The following ERI1 variants were observed in gnomAD, a reference collection of about 807,000 sequenced individuals.
The protein encoded by ERI1 is 3'-5' exoribonuclease 1.
A neutral mutation model predicts 39.7 loss-of-function variants in ERI1; 39 were observed. The observed-to-expected ratio is 0.98, with a 90% CI of 0.76 to 1.28. The LOEUF (loss-of-function observed/expected upper bound fraction) is 1.28. ERI1 is among the 50% of genes most tolerant of loss of function. The pLI, the probability that ERI1 is intolerant of heterozygous loss-of-function variation, is 0.00. For missense variants in ERI1, 581 were observed against 416.9 expected (o/e 1.39, Z -3.43); for synonymous variants, 204 against 149.6 (o/e 1.36, Z -2.65).
At chr8:9,029,707 C>G (rs1378483280) in intron 6 of ERI1, 85 bp from the exon 7 acceptor site, 9 of 1,503,166 alleles carry the variant, frequency 6.0e-6, no homozygotes, top group Admixed American at 3.6e-5. Context: ...TGCTAATTTT[C>G]AGTTTCTTAT....
At chr8:9,095,754 C>T (rs192224155) in intron 3 of ERI1, among the ~76,000 whole-genome samples, 1 of 152,238 alleles carries the variant, frequency 6.6e-6, no homozygotes, top group African/African-American at 2.4e-5. Context: ...CTCCTGGGCT[C>T]AAGACATCTG....
chr8:9,017,543 C>T (rs923006829), intron 4 of ERI1, among the ~76,000 whole-genome samples: 11 of 152,152 alleles, frequency 7.2e-5, no homozygotes, highest in Middle Eastern at 3.4e-3. Flanking sequence ...TGTTTTATTG[C>T]GGTGTTGTGG....
rs559094164 is a variant in ERI1 at position 9,007,308 on chromosome 8, G to A, written c.109-662G>A. The stretch of plus-strand genomic sequence containing the variant: ...CTAGGAAGCTGTAAATTAGATTTGC[G>A]GTCCATTTTGTTTTTATGTTGGGCA... On this transcript the variant is annotated intron_variant, in intron 1 of 6. Coordinates refer to ENST00000250263, the MANE Select transcript of ERI1 (RefSeq NM_153332.4). 5.9e-5 allele frequency among the ~76,000 whole-genome samples: 9 copies of A among 152,142 alleles called. No homozygotes were observed. The South Asian group carries it at 8.3e-4, about 14-fold the overall frequency.
intron 3 of ERI1, among the ~76,000 whole-genome samples, chr8:9,083,808 T>G (rs566275747): frequency 6.6e-6 from 1 of 151,994 alleles, no homozygotes; most frequent in Non-Finnish European, 1.5e-5. Context: ...TTTTCTTTTT[T>G]TTTGAGACAG....
chr8:9,055,885 T>G (rs1798492009), intron 3 of ERI1, among the ~76,000 whole-genome samples: 1 of 152,156 alleles, frequency 6.6e-6, no homozygotes, highest in African/African-American at 2.4e-5. Flanking sequence ...AAAGGGGTTC[T>G]GGTTTCTATG....
At chr8:9,059,249 A>G (rs1315480848) in intron 3 of ERI1, among the ~76,000 whole-genome samples, 1 of 152,174 alleles carries the variant, frequency 6.6e-6, no homozygotes, top group Non-Finnish European at 1.5e-5. Flanking sequence ...GGAAGCGGCC[A>G]TCTGGATGTG....
intron 1 of ERI1, chr8:9,004,301 G>T: frequency 8.9e-7 from 1 of 1,127,120 alleles, no homozygotes; most frequent in East Asian, 7.3e-5. Context: ...CATCCTGTAA[G>T]TGGGTTTTAA....
chr8:9,007,920 A>T, intron 1 of ERI1, 50 bp from the exon 2 acceptor site: 1 of 1,545,332 alleles, frequency 6.5e-7, no homozygotes, highest in Non-Finnish European at 8.7e-7. Flanking sequence ...GTTTGTACTA[A>T]TTATAAACTA....
intron 6 of ERI1, among the ~76,000 whole-genome samples, chr8:9,025,961 T>A (rs1818431621): frequency 6.6e-6 from 1 of 152,190 alleles, no homozygotes; most frequent in Admixed American, 6.5e-5. Flanking sequence ...ACAGTGTATG[T>A]ACATTGAGCC....
chr8:9,016,313 C>T lies in ERI1; in HGVS notation c.499-9C>T, dbSNP rs1448283936. On this transcript the variant is annotated splice_polypyrimidine_tract_variant and intron_variant, in intron 3 of 6. Coordinates refer to ENST00000250263, the MANE Select transcript of ERI1 (RefSeq NM_153332.4). ...TAAATTACTTTAACTTGCTATCCTT[C>T]CCTTGCAGGAAGACACGTTTCAGCA... 3 of 1,575,480 alleles carry T rather than the reference C, an allele frequency of 1.9e-6. No individual in the cohort carries two copies. Among genetic ancestry groups the T allele is most frequent in the Admixed American group, 1.8e-5 (1 of 55,476 alleles).
chr8:9,028,982 T>TC (rs59977121), intron 6 of ERI1, among the ~76,000 whole-genome samples: 1 of 150,168 alleles, frequency 6.7e-6, no homozygotes, highest in African/African-American at 2.4e-5. Flanking sequence ...AGTTTTTTTT[T>TC]TTTTTTTTTT....
downstream of ERI1, among the ~76,000 whole-genome samples, chr8:9,034,676 G>C (rs917732013): frequency 1.3e-5 from 2 of 152,062 alleles, no homozygotes; most frequent in African/African-American, 4.8e-5. Flanking sequence ...TTGAAATTAG[G>C]GCAATTAATA....
At chr8:9,019,811 CTAT>C (rs1410488568) in intron 5 of ERI1, among the ~76,000 whole-genome samples, 1 of 152,120 alleles carries the variant, frequency 6.6e-6, no homozygotes, top group Non-Finnish European at 1.5e-5. Flanking sequence ...ATTTCCACTG[CTAT>C]TATTCTGACT....
chr8:9,028,680 GTGGAGTGATCT>G (rs1797363582), intron 6 of ERI1, among the ~76,000 whole-genome samples: 1 of 152,104 alleles, frequency 6.6e-6, no homozygotes, highest in Non-Finnish European at 1.5e-5. Flanking sequence ...CTGGAGTGCA[GTGGAGTGATCT>G]TGGCTCACTG....
chr8:9,089,288 A>G (rs1799630719), intron 3 of ERI1, among the ~76,000 whole-genome samples: 2 of 152,186 alleles, frequency 1.3e-5, no homozygotes, highest in Admixed American at 1.3e-4. Flanking sequence ...ATTTATAAAT[A>G]GAGATGGGGT....
chr8:9,005,183 T>C (rs1815852825), intron 1 of ERI1, among the ~76,000 whole-genome samples: 1 of 152,216 alleles, frequency 6.6e-6, no homozygotes, highest in African/African-American at 2.4e-5. Context: ...CTAAGTTTTT[T>C]TTCAGTGTGC....
At chr8:9,052,172 C>T (rs576280480) in intron 3 of ERI1, among the ~76,000 whole-genome samples, 3 of 152,332 alleles carry the variant, frequency 2.0e-5, no homozygotes, top group African/African-American at 7.2e-5. Flanking sequence ...AAGGCTGAAA[C>T]TTGGGGCTTA....
chr8:9,038,398 T>C (rs1797917166), intron 3 of ERI1, among the ~76,000 whole-genome samples: 1 of 152,260 alleles, frequency 6.6e-6, no homozygotes, highest in East Asian at 1.9e-4. Context: ...GGTTTTACTC[T>C]GTATTTTTCT....
chr8:9,089,144 C>G (rs1585300172), intron 3 of ERI1, among the ~76,000 whole-genome samples: 2 of 152,230 alleles, frequency 1.3e-5, no homozygotes, highest in African/African-American at 2.4e-5. Context: ...TCACTCTCCT[C>G]TTTCCTTTTC....
Sources: gnomAD v4.1 joint callset for allele counts (sites outside exome capture counted in the v4.1 genomes callset) on GRCh38, gnomAD v4.1.1 for gene constraint, MANE v1.5 for transcripts, NCBI Gene and HGNC (gene_info 2026-07-23, HGNC 2026-07-21) for gene names.